Variants in PRDM16 observed in about 807,000 individuals in gnomAD.
PRDM16 encodes PR/SET domain 16.
A neutral mutation model predicts 110.6 loss-of-function variants in PRDM16; 23 were observed. The ratio of observed to expected loss-of-function variants is 0.21; its 90% CI spans 0.15 to 0.29. The LOEUF (loss-of-function observed/expected upper bound fraction) is 0.29, where lower values mean the gene tolerates loss of function less well. PRDM16 is among the 10% of genes least tolerant of loss of function. PRDM16 has a pLI of 1.00. For missense variants in PRDM16, 1,615 were observed against 1,794.3 expected (o/e 0.90, Z 1.81); for synonymous variants, 799 against 781.8 (o/e 1.02, Z -0.37).
At chr1:3,177,230 C>T (rs575261730) in intron 1 of PRDM16, among the ~76,000 whole-genome samples, 1 of 152,210 alleles carries the variant, frequency 6.6e-6, no homozygotes. Context: ...CCCACCCACC[C>T]ATCCATTCAG....
chr1:3,292,513 GAA>G (rs959300312), intron 3 of PRDM16, among the ~76,000 whole-genome samples: 5 of 152,356 alleles, frequency 3.3e-5, no homozygotes, highest in African/African-American at 1.2e-4. Flanking sequence ...CCCGAGTGCT[GAA>G]AAGAGTTCTC....
In PRDM16 at chr1:3,339,161, T is replaced by G. The variant is rs1242432579; in HGVS notation, c.439-45991T>G. Among the ~76,000 whole-genome samples, 1 of 152,158 alleles carries G rather than the reference T, an allele frequency of 6.6e-6. No individual in the cohort carries two copies. Among genetic ancestry groups the G allele is most frequent in the Non-Finnish European group, 1.5e-5 (1 of 68,016 alleles). On this transcript the variant is annotated intron_variant, in intron 3 of 16. Transcript: ENST00000270722. This position sits in a 1 kb window ranked among gnomAD's most constrained non-coding sequence, Gnocchi z 5.0. ...CTCAGAGGCATCTCCTGCTCTCTCC[T>G]TCTGGAGGGCAGCTTCCTGGCCACC...
chr1:3,367,067 A>T (rs1157297664), intron 3 of PRDM16, among the ~76,000 whole-genome samples: 4 of 152,248 alleles, frequency 2.6e-5, no homozygotes, highest in Non-Finnish European at 5.9e-5. Context: ...CAGGAGTTCG[A>T]GACCAGTCTG....
At chr1:3,214,071 G>A (rs1638965375) in intron 2 of PRDM16, among the ~76,000 whole-genome samples, 1 of 152,188 alleles carries the variant, frequency 6.6e-6, no homozygotes, top group African/African-American at 2.4e-5. Context: ...TCTGCAGGAT[G>A]CAGGACTGCC....
chr1:3,403,126 A>C (rs2100643136), intron 6 of PRDM16, 128 bp downstream of exon 6: 2 of 867,166 alleles, frequency 2.3e-6, no homozygotes, highest in Non-Finnish European at 3.7e-6. Context: ...ACAGGTGTAG[A>C]CAAAGGGCCC....
In PRDM16 at chr1:3,434,150, G is replaced by A. The variant is rs1049738959; in HGVS notation, c.*339G>A. On this transcript the variant is annotated 3_prime_UTR_variant, in exon 17 of 17. Coordinates refer to ENST00000270722, the MANE Select transcript of PRDM16 (RefSeq NM_022114.4). ...GAGACAGAAGCTGGTGGCCACTGCC[G>A]GGTGCCCGCGTGGGGTCGCGGAAGG... The A allele has an allele frequency of 2.1e-5, 7 of 334,356 alleles. No homozygotes were observed. The highest frequency in any genetic ancestry group is 6.2e-5 in the South Asian group (1 of 16,162). The allele number at this position is 334,356 out of a possible 1,614,324, so 20.7% of individuals were successfully genotyped here. A position where few individuals can be genotyped will look rare whatever the true frequency, so the allele number is the denominator to read the frequency against.
intron 1 of PRDM16, among the ~76,000 whole-genome samples, chr1:3,072,875 C>T (rs886128140): frequency 2.6e-5 from 4 of 152,268 alleles, no homozygotes; most frequent in Non-Finnish European, 5.9e-5. Context: ...GTGTGTCACC[C>T]ACAGGCCCCC....
intron 2 of PRDM16, among the ~76,000 whole-genome samples, chr1:3,242,280 T>C (rs2500253): frequency 0.22 from 33,553 of 152,206 alleles, 4,935 homozygotes; most frequent in African/African-American, 0.42. Context: ...CTCCTCGACG[T>C]GCCTCACGAA....
chr1:3,169,013 G>A (rs1461450796), intron 1 of PRDM16, among the ~76,000 whole-genome samples: 1 of 152,060 alleles, frequency 6.6e-6, no homozygotes, highest in Non-Finnish European at 1.5e-5. Flanking sequence ...GTAGGCTGAT[G>A]AGTCCAACAG....
chr1:3,321,634 T>C (rs1308478819), intron 3 of PRDM16, among the ~76,000 whole-genome samples: 4 of 151,772 alleles, frequency 2.6e-5, no homozygotes, highest in Admixed American at 2.0e-4. Flanking sequence ...CATATGTGTA[T>C]GTATGTGTGA....
chr1:3,072,614 G>T (rs541965120), intron 1 of PRDM16, among the ~76,000 whole-genome samples: 1 of 152,100 alleles, frequency 6.6e-6, no homozygotes, highest in African/African-American at 2.4e-5. Context: ...TTCCTTCTTC[G>T]TAGAAACAGG....
intron 1 of PRDM16, among the ~76,000 whole-genome samples, chr1:3,170,458 G>A (rs534708090): frequency 6.6e-6 from 1 of 152,276 alleles, no homozygotes; most frequent in East Asian, 1.9e-4. Flanking sequence ...ATTAGGACCA[G>A]GTGCTGGGCA....
chr1:3,230,272 G>T (rs1291252911), intron 2 of PRDM16, among the ~76,000 whole-genome samples: 7 of 152,238 alleles, frequency 4.6e-5, no homozygotes, highest in African/African-American at 1.4e-4. Flanking sequence ...GGCCGTTCTA[G>T]ATTCCTGGAT....
chr1:3,431,011 A>C lies in PRDM16; in HGVS notation c.3424A>C (p.Thr1142Pro). ...CCTGGCCGGGAAGTCGCAGGATGACACCGTGTCCCCCGCACCCGAGCCCCA... is the reference window on the plus strand; with the variant it reads ...CCTGGCCGGGAAGTCGCAGGATGACCCCGTGTCCCCCGCACCCGAGCCCCA... ...DSLAGKSQDD[T>P]VSPAPEPQAA... Residue 1142 changes from threonine (T) to proline (P), a missense_variant, in exon 15 of 17, where the codon ACC becomes CCC. By Grantham distance (38) the Thr-to-Pro change is conservative (BLOSUM62 -1). This residue lies in a region of PRDM16 where 327 missense variants were observed against 359.3 expected (regional missense o/e 0.91). Coordinates refer to ENST00000270722, the MANE Select transcript of PRDM16 (RefSeq NM_022114.4). The C allele has an allele frequency of 6.3e-7, 1 of 1,585,808 alleles. No individual in the cohort carries two copies. The highest frequency in any genetic ancestry group is 8.6e-7 in the Non-Finnish European group (1 of 1,166,110).
intron 3 of PRDM16, among the ~76,000 whole-genome samples, chr1:3,373,303 G>A (rs1417049864): frequency 1.3e-5 from 2 of 152,204 alleles, no homozygotes; most frequent in Non-Finnish European, 2.9e-5. Context: ...GATTCCTTGA[G>A]GTCGGAAATC....
chr1:3,091,036 G>A (rs1642264415), intron 1 of PRDM16, among the ~76,000 whole-genome samples: 1 of 152,234 alleles, frequency 6.6e-6, no homozygotes, highest in Admixed American at 6.5e-5. Flanking sequence ...GGAGACCTCA[G>A]CCGCAAACTC....
chr1:3,154,289 GGGGGGGC>G lies in PRDM16; in HGVS notation c.38-31835_38-31829del, dbSNP rs1643825900. Among the ~76,000 whole-genome samples the G allele has an allele frequency of 3.3e-5, 5 of 152,180 alleles. No individual in the cohort carries two copies. The South Asian group carries it at 1.0e-3, about 32-fold the overall frequency. On this transcript the variant is annotated intron_variant, in intron 1 of 16. Coordinates refer to ENST00000270722, the MANE Select transcript of PRDM16 (RefSeq NM_022114.4). The stretch of plus-strand genomic sequence containing the variant: ...GCGCACTCTCCCTGGGCGGCGTGGT[GGGGGGGC>G]AGGGGGACGCTTTTGAGGGAGCACT...
chr1:3,258,200 G>A (rs938063544), intron 3 of PRDM16, among the ~76,000 whole-genome samples: 15 of 152,148 alleles, frequency 9.9e-5, no homozygotes, highest in Admixed American at 4.6e-4. Context: ...GTCCTCCTGC[G>A]GTGGGCTTGG....
At chr1:3,180,927 C>T (rs1241230096) in intron 1 of PRDM16, among the ~76,000 whole-genome samples, 1 of 149,864 alleles carries the variant, frequency 6.7e-6, no homozygotes, top group Non-Finnish European at 1.5e-5. Context: ...GCCTTACACA[C>T]GCAGCCACAC....
Sources: gnomAD v4.1 joint callset for allele counts (sites outside exome capture counted in the v4.1 genomes callset) on GRCh38, gnomAD v4.1.1 for gene constraint, gnomAD v4.1.1 regional missense constraint, Gnocchi (gnomAD v3.1) non-coding constraint, MANE v1.5 for transcripts, NCBI Gene and HGNC (gene_info 2026-07-23, HGNC 2026-07-21) for gene names.